Variants in SYT16 observed in about 807,000 individuals in gnomAD.
SYT16 encodes the protein synaptotagmin 16, also known as synaptotagmin-16.
In SYT16, 42 loss-of-function variants were observed where a neutral mutation model predicts 61.4. That is an observed-to-expected ratio of 0.68 (90% CI 0.53 to 0.89). SYT16 has a LOEUF of 0.89. SYT16 is among the 40% of genes least tolerant of loss of function. The probability of loss-of-function intolerance (pLI) is 0.00; values close to 1 mark genes in which losing one functional copy is unlikely to be tolerated. For missense variants in SYT16, 804 were observed against 807.3 expected (o/e 1.00, Z 0.05); for synonymous variants, 314 against 302.3 (o/e 1.04, Z -0.40).
chr14:61,826,703 C>A (rs541199748), intron 1 of SYT16, among the ~76,000 whole-genome samples: 1 of 151,946 alleles, frequency 6.6e-6, no homozygotes, highest in Non-Finnish European at 1.5e-5. Context: ...ACAGAGATCC[C>A]TGTAGACTTG....
chr14:62,068,208 AAGG>A (rs1473566955), intron 3 of SYT16, among the ~76,000 whole-genome samples: 2 of 152,024 alleles, frequency 1.3e-5, no homozygotes, highest in Non-Finnish European at 1.5e-5. Flanking sequence ...CTTAGAAAGG[AAGG>A]AGATTTTTAT....
In SYT16 at chr14:62,111,546, G is replaced by A. The variant is rs1044579752; in HGVS notation, c.*10839G>A. ...AAATTTCACTTTTGTGGATAGTTAA[G>A]TATAACATGGTTTAGTATAAAATCT... On this transcript the variant is annotated 3_prime_UTR_variant, in exon 8 of 8. Coordinates refer to ENST00000683842, the MANE Select transcript of SYT16 (RefSeq NM_001367656.1). 1 of 152,104 alleles carries A rather than the reference G, an allele frequency of 6.6e-6. No individual in the cohort carries two copies. The highest frequency in any genetic ancestry group is 1.5e-5 in the Non-Finnish European group (1 of 67,952). The allele number at this position is 152,104 out of a possible 1,614,324, so 9.4% of individuals were successfully genotyped here. A position where few individuals can be genotyped will look rare whatever the true frequency, so the allele number is the denominator to read the frequency against.
chr14:61,835,055 G>T (rs759311658), intron 1 of SYT16, among the ~76,000 whole-genome samples: 7 of 152,130 alleles, frequency 4.6e-5, no homozygotes, highest in Admixed American at 1.3e-4. Context: ...GATATTAAGA[G>T]AAATTGTTGC....
intron 1 of SYT16, among the ~76,000 whole-genome samples, chr14:61,838,130 C>A (rs2046190483): frequency 6.6e-6 from 1 of 152,172 alleles, no homozygotes; most frequent in South Asian, 2.1e-4. Flanking sequence ...TTGGAGTGAG[C>A]ATTATGTAGT....
intron 4 of SYT16, 84 bp downstream of exon 4, chr14:62,069,899 G>T (rs967750657): frequency 6.4e-6 from 9 of 1,411,952 alleles, no homozygotes; most frequent in African/African-American, 1.4e-5. Flanking sequence ...TCTGCACTCT[G>T]CATCTGAGAG....
chr14:61,988,511 G>C (rs2052414237), intron 2 of SYT16, among the ~76,000 whole-genome samples: 1 of 152,164 alleles, frequency 6.6e-6, no homozygotes, highest in Admixed American at 6.5e-5. Context: ...ACAATGTGCT[G>C]TTGCTATAAT....
intron 1 of SYT16, among the ~76,000 whole-genome samples, chr14:61,922,446 C>G (rs1394170654): frequency 2.0e-5 from 3 of 152,176 alleles, no homozygotes; most frequent in Admixed American, 2.0e-4. Context: ...AAACCAAATA[C>G]TGCATCTTCT....
At chr14:62,014,730 G>A (rs376164676) in intron 3 of SYT16, among the ~76,000 whole-genome samples, 1 of 151,990 alleles carries the variant, frequency 6.6e-6, no homozygotes, top group Admixed American at 6.6e-5. Context: ...CATTGCGCCC[G>A]GCTGGTTTCT....
intron 1 of SYT16, among the ~76,000 whole-genome samples, chr14:61,824,446 G>C (rs556599193): frequency 1.3e-5 from 2 of 151,954 alleles, no homozygotes; most frequent in Admixed American, 6.6e-5. Context: ...TCCACCTCCC[G>C]GGTTCACACC....
intron 3 of SYT16, 44 bp from the exon 4 acceptor site, chr14:62,069,559 C>T (rs2056208879): frequency 2.6e-6 from 4 of 1,563,310 alleles, no homozygotes; most frequent in Non-Finnish European, 3.5e-6. Flanking sequence ...TGTATTCGAG[C>T]ATATAGGCCA....
At position 62,087,202 on chromosome 14, in the gene SYT16, G is replaced by A. The variant is rs80205652; in HGVS notation, c.1624+2817G>A. On this transcript the variant is annotated intron_variant, in intron 7 of 7. Coordinates refer to ENST00000683842, the MANE Select transcript of SYT16 (RefSeq NM_001367656.1). The stretch of plus-strand genomic sequence containing the variant: ...GAATGAGGGGACACGAGTTTTATGA[G>A]GTAACTGAGAAGAGTTGGAAGGAAG... Among the ~76,000 whole-genome samples the A allele has an allele frequency of 4.7e-4, 71 of 152,346 alleles. 2 individuals are homozygous for A. In the East Asian group the frequency reaches 9.4e-3, roughly 20 times the overall value.
At chr14:61,923,486 C>T (rs1566683752) in intron 1 of SYT16, among the ~76,000 whole-genome samples, 1 of 152,170 alleles carries the variant, frequency 6.6e-6, no homozygotes, top group South Asian at 2.1e-4. Context: ...GAACCCCAAA[C>T]CTCTCTTCCC....
chr14:61,831,214 A>ATCT (rs2045926000), intron 1 of SYT16, among the ~76,000 whole-genome samples: 1 of 152,216 alleles, frequency 6.6e-6, no homozygotes, highest in Admixed American at 6.5e-5. Flanking sequence ...CCAAATCAAA[A>ATCT]GTGCCAAAGG....
At chr14:62,009,326 A>G (rs955534651) in intron 3 of SYT16, among the ~76,000 whole-genome samples, 15 of 152,312 alleles carry the variant, frequency 9.8e-5, no homozygotes, top group Admixed American at 3.3e-4. Flanking sequence ...AAAATTTATA[A>G]TGACACTTCA....
chr14:62,058,540 T>G (rs2055674287), intron 3 of SYT16, among the ~76,000 whole-genome samples: 1 of 151,742 alleles, frequency 6.6e-6, no homozygotes, highest in Non-Finnish European at 1.5e-5. Flanking sequence ...ATTTTTGTAT[T>G]TTTTAGTAGA....
chr14:61,823,628 T>C (rs1488519896), intron 1 of SYT16, among the ~76,000 whole-genome samples: 2 of 149,140 alleles, frequency 1.3e-5, no homozygotes, highest in East Asian at 2.0e-4. Flanking sequence ...GGTGCACACC[T>C]GTAACCCTAG....
chr14:61,974,422 T>G (rs1039582608), intron 2 of SYT16, among the ~76,000 whole-genome samples: 2 of 152,188 alleles, frequency 1.3e-5, no homozygotes, highest in African/African-American at 4.8e-5. Flanking sequence ...TTGAAATCCT[T>G]AGTGATTTTC....
At chr14:61,946,832 T>C (rs932644776) in intron 1 of SYT16, among the ~76,000 whole-genome samples, 2 of 152,136 alleles carry the variant, frequency 1.3e-5, no homozygotes, top group African/African-American at 4.8e-5. Context: ...TGCAATTGTT[T>C]AGATTACAGA....
intron 3 of SYT16, among the ~76,000 whole-genome samples, chr14:62,020,788 C>T (rs1336297148): frequency 6.6e-6 from 1 of 152,142 alleles, no homozygotes; most frequent in African/African-American, 2.4e-5. Flanking sequence ...GTTGGGGCAC[C>T]GCATGTCCCC....
Sources: allele counts gnomAD v4.1 joint callset (sites outside exome capture counted in the v4.1 genomes callset), GRCh38; gene constraint gnomAD v4.1.1; transcripts MANE v1.5; gene names NCBI Gene and HGNC (gene_info 2026-07-23, HGNC 2026-07-21).